RAPGEF5: variants seen among roughly 807,000 people sequenced by gnomAD.
The protein encoded by RAPGEF5 is Rap guanine nucleotide exchange factor 5.
Under a neutral mutation model 125.2 loss-of-function variants are expected in RAPGEF5, and 65 were observed. The ratio of observed to expected loss-of-function variants is 0.52; its 90% CI spans 0.43 to 0.64. The LOEUF is 0.64. RAPGEF5 is among the 30% of genes least tolerant of loss of function. The pLI, the probability that RAPGEF5 is intolerant of heterozygous loss-of-function variation, is 0.00. For missense variants in RAPGEF5, 958 were observed against 1,048.1 expected (o/e 0.91, Z 1.19); for synonymous variants, 391 against 385.9 (o/e 1.01, Z -0.16).
chr7:22,258,353 G>A (rs1423738325), intron 7 of RAPGEF5, among the ~76,000 whole-genome samples: 4 of 152,174 alleles, frequency 2.6e-5, no homozygotes, highest in Non-Finnish European at 4.4e-5. Flanking sequence ...AGGTACGGTG[G>A]CTCACGCCTG....
At chr7:22,304,620 A>G (rs1256492954) in intron 5 of RAPGEF5, among the ~76,000 whole-genome samples, 1 of 152,212 alleles carries the variant, frequency 6.6e-6, no homozygotes, top group Non-Finnish European at 1.5e-5. Flanking sequence ...TTATTTCCAC[A>G]GTCCCATGCC....
intron 8 of RAPGEF5, among the ~76,000 whole-genome samples, chr7:22,223,526 A>G (rs1057069918): frequency 3.9e-5 from 6 of 152,210 alleles, no homozygotes; most frequent in Non-Finnish European, 5.9e-5. Flanking sequence ...TTGCTTTAAC[A>G]TGACGGCTAT....
At chr7:22,210,521 T>C (rs1185658363) in intron 9 of RAPGEF5, among the ~76,000 whole-genome samples, 1 of 152,180 alleles carries the variant, frequency 6.6e-6, no homozygotes, top group African/African-American at 2.4e-5. Flanking sequence ...CTCATTAAGT[T>C]TTTTGAGCCT....
intron 7 of RAPGEF5, among the ~76,000 whole-genome samples, chr7:22,252,610 C>G (rs1786652515): frequency 1.3e-5 from 2 of 152,186 alleles, no homozygotes; most frequent in Non-Finnish European, 2.9e-5. Context: ...ACTTCTTATA[C>G]TCACTACTCT....
At chr7:22,188,869 G>A (rs1583464489) in intron 11 of RAPGEF5, among the ~76,000 whole-genome samples, 1 of 151,372 alleles carries the variant, frequency 6.6e-6, no homozygotes, top group Non-Finnish European at 1.5e-5. Context: ...CTTTCACAGA[G>A]GTTGTTTCCT....
At chr7:22,331,974 CATT>C (rs1251012431) in intron 1 of RAPGEF5, among the ~76,000 whole-genome samples, 1 of 152,060 alleles carries the variant, frequency 6.6e-6, no homozygotes, top group Non-Finnish European at 1.5e-5. Flanking sequence ...AGGGTAAAAA[CATT>C]ATATCCTTCC....
chr7:22,163,654 G>C (rs1015895482), intron 12 of RAPGEF5, among the ~76,000 whole-genome samples: 5 of 152,070 alleles, frequency 3.3e-5, no homozygotes, highest in African/African-American at 1.2e-4. Flanking sequence ...AACCTCAAAG[G>C]CAAAGTGTTT....
intron 9 of RAPGEF5, among the ~76,000 whole-genome samples, chr7:22,195,957 C>T (rs1212810335): frequency 6.6e-6 from 1 of 152,110 alleles, no homozygotes; most frequent in African/African-American, 2.4e-5. Context: ...CTTCCACAGG[C>T]CATGCACATA....
rs192896768 is a variant in RAPGEF5, at chr7:22,240,746, T to C, written c.797-9827A>G. Reference sequence around the variant, plus strand: ...ACAGATTCAGGTCAATCTGCTATCATCACACAGTAAAATATTGAGCAGCAA... The same window carrying C: ...ACAGATTCAGGTCAATCTGCTATCACCACACAGTAAAATATTGAGCAGCAA... On this transcript the variant is annotated intron_variant, in intron 7 of 25. Transcript: ENST00000665637. 8.5e-4 allele frequency among the ~76,000 whole-genome samples: 129 copies of C among 152,258 alleles called. 1 individual carries two copies. The highest frequency in any genetic ancestry group is 3.1e-3 in the African/African-American group (127 of 41,558).
chr7:22,262,722 A>G (rs1403176038), intron 7 of RAPGEF5, among the ~76,000 whole-genome samples: 1 of 129,748 alleles, frequency 7.7e-6, no homozygotes, highest in Non-Finnish European at 1.6e-5. Context: ...ATTATGGTAC[A>G]TTCATGCCAC....
chr7:22,217,424 G>A (rs1030981156), intron 9 of RAPGEF5, among the ~76,000 whole-genome samples: 15 of 152,190 alleles, frequency 9.9e-5, no homozygotes, highest in South Asian at 6.2e-4. Flanking sequence ...GTGAACTTAA[G>A]GGGTAAGCAA....
intron 23 of RAPGEF5, among the ~76,000 whole-genome samples, chr7:22,132,743 G>A (rs1294373398): frequency 6.6e-6 from 1 of 152,118 alleles, no homozygotes; most frequent in Non-Finnish European, 1.5e-5. Context: ...TCTTCCTAGG[G>A]ATGATGAGGA....
chr7:22,140,220 A>T, intron 20 of RAPGEF5, 105 bp from the exon 21 acceptor site: 1 of 1,017,908 alleles, frequency 9.8e-7, no homozygotes, highest in Non-Finnish European at 1.5e-6. Flanking sequence ...AGAGCTCAGG[A>T]ATTCTGCTCT....
intron 6 of RAPGEF5, among the ~76,000 whole-genome samples, chr7:22,274,727 C>A (rs763841557): frequency 1.3e-5 from 2 of 152,124 alleles, no homozygotes; most frequent in Admixed American, 6.5e-5. Flanking sequence ...ATAAGGTATC[C>A]CTGATTTAGC....
intron 8 of RAPGEF5, among the ~76,000 whole-genome samples, chr7:22,227,709 G>C (rs1785954602): frequency 6.6e-6 from 1 of 152,072 alleles, no homozygotes; most frequent in Non-Finnish European, 1.5e-5. Flanking sequence ...GGATATGGTG[G>C]TGTGCACCTG....
Position 22,308,329 on chromosome 7 carries a change from A to G in RAPGEF5, c.680+10T>C. The G allele has an allele frequency of 6.3e-7, 1 of 1,576,808 alleles. No individual in the cohort carries two copies. Among genetic ancestry groups the G allele is most frequent in the East Asian group, 2.3e-5 (1 of 43,564 alleles). On this transcript the variant is annotated intron_variant, in intron 5 of 25. Transcript: ENST00000665637. ...TAAGAATACAATGGCACAAGAGAGC[A>G]TCTACTTACAGTTCACAGATGCCAC...
At chr7:22,240,448 T>C (rs1021014153) in intron 7 of RAPGEF5, among the ~76,000 whole-genome samples, 4 of 152,012 alleles carry the variant, frequency 2.6e-5, no homozygotes, top group African/African-American at 4.8e-5. Flanking sequence ...CTCGGCTCAC[T>C]GTAACCTCCA....
At chr7:22,294,442 G>T (rs1036013305) in intron 5 of RAPGEF5, among the ~76,000 whole-genome samples, 2 of 152,166 alleles carry the variant, frequency 1.3e-5, no homozygotes, top group African/African-American at 4.8e-5. Flanking sequence ...AGTTCAAGAG[G>T]TCTGCAATAT....
At chr7:22,237,943 T>A (rs1040726733) in intron 7 of RAPGEF5, among the ~76,000 whole-genome samples, 1 of 152,146 alleles carries the variant, frequency 6.6e-6, no homozygotes, top group Non-Finnish European at 1.5e-5. Flanking sequence ...GGGGTTAACA[T>A]CATGAAAGGC....
Sources: gnomAD v4.1 joint callset for allele counts (sites outside exome capture counted in the v4.1 genomes callset) on GRCh38, gnomAD v4.1.1 for gene constraint, MANE v1.5 for transcripts, NCBI Gene and HGNC (gene_info 2026-07-23, HGNC 2026-07-21) for gene names.